KLHL26: variants seen among roughly 807,000 people sequenced by gnomAD.
KLHL26 encodes kelch-like protein 26.
A neutral mutation model predicts 7.1 loss-of-function variants in KLHL26; 4 were observed. The observed-to-expected ratio is 0.56, with a 90% CI of 0.28 to 1.28. The LOEUF (loss-of-function observed/expected upper bound fraction) is 1.28, where lower values mean the gene tolerates loss of function less well. Ranked by LOEUF, KLHL26 falls within the 50% of genes most tolerant of loss-of-function variation. The pLI, the probability that KLHL26 is intolerant of heterozygous loss-of-function variation, is 0.11. For missense variants in KLHL26, 896 were observed against 924.6 expected, an observed-to-expected ratio of 0.97 and a Z score of 0.40; for synonymous variants, 465 against 414.1, an observed-to-expected ratio of 1.12 and a Z score of -1.49.
At chr19:18,653,852 C>G (rs1376110995) in intron 1 of KLHL26, among the ~76,000 whole-genome samples, 2 of 32,576 alleles carry the variant, frequency 6.1e-5, no homozygotes, top group Non-Finnish European at 1.1e-4. Flanking sequence ...TTTCATCTAC[C>G]CACCCACCTA....
intron 2 of KLHL26, among the ~76,000 whole-genome samples, chr19:18,666,108 A>T (rs578226468): frequency 6.6e-6 from 1 of 152,222 alleles, no homozygotes; most frequent in Admixed American, 6.5e-5. Flanking sequence ...CTCTGCCTTC[A>T]TCGCATCATG....
In KLHL26 at chr19:18,662,878, T is replaced by C. The variant is rs1047958022; in HGVS notation, c.84-1383T>C. Among the ~76,000 whole-genome samples, 11 of 150,706 alleles carry C rather than the reference T, an allele frequency of 7.3e-5. No individual in the cohort carries two copies. The Middle Eastern group carries it at 0.01, about 141-fold the overall frequency. ...GAGGGGAGGAAGGGAGGAGGGGAGG[T>C]AAGCGTCCCTTCCACTTGGCAGGGG... On this transcript the variant is annotated intron_variant, in intron 1 of 2. Transcript: ENST00000300976.
At chr19:18,665,459 C>G (rs2052438377) in intron 2 of KLHL26, among the ~76,000 whole-genome samples, 1 of 152,264 alleles carries the variant, frequency 6.6e-6, no homozygotes, top group African/African-American at 2.4e-5. Flanking sequence ...GCCCTCAGGG[C>G]ATCCCCTCAG....
Position 18,647,279 on chromosome 19 carries a change from C to T in KLHL26, c.83+10142C>T, listed in dbSNP as rs117219901. On this transcript the variant is annotated intron_variant, in intron 1 of 2. Coordinates refer to ENST00000300976, the MANE Select transcript of KLHL26 (RefSeq NM_018316.3). Reference sequence around the variant, plus strand: ...CCTCCTTGTCGTTGTCCGTAGTTACCGGGGAAGAAAGGCTTTATTACCCTC... The same window carrying T: ...CCTCCTTGTCGTTGTCCGTAGTTACTGGGGAAGAAAGGCTTTATTACCCTC... Among the ~76,000 whole-genome samples, 613 of 152,302 alleles carry T rather than the reference C, an allele frequency of 4.0e-3. 3 individuals carry two copies. Among genetic ancestry groups the T allele is most frequent in the Non-Finnish European group, 7.2e-3 (491 of 68,026 alleles).
Position 18,671,011 on chromosome 19 carries a change from A to C in KLHL26, c.*1766A>C, listed in dbSNP as rs2145418022. 1 of 152,380 alleles carries C rather than the reference A, an allele frequency of 6.6e-6. No individual in the cohort carries two copies. Among genetic ancestry groups the C allele is most frequent in the East Asian group, 1.9e-4 (1 of 5,170 alleles). The allele number at this position is 152,380 out of a possible 1,614,324, so 9.4% of individuals were successfully genotyped here. A position where few individuals can be genotyped will look rare whatever the true frequency, so the allele number is the denominator to read the frequency against. On this transcript the variant is annotated 3_prime_UTR_variant, in exon 3 of 3. Coordinates refer to ENST00000300976, the MANE Select transcript of KLHL26 (RefSeq NM_018316.3). Reference sequence around the variant, plus strand: ...TACAGGTGTGAGCCACCATGCCCGGACCAACCTTGGCACTTTGGAAGAGCC... The same window carrying C: ...TACAGGTGTGAGCCACCATGCCCGGCCCAACCTTGGCACTTTGGAAGAGCC...
At position 18,641,790 on chromosome 19, in the gene KLHL26, G is replaced by A. The variant is rs144283200; in HGVS notation, c.83+4653G>A. 9.8e-4 allele frequency among the ~76,000 whole-genome samples: 149 copies of A among 151,810 alleles called. No homozygotes were observed. The East Asian group carries it at 0.027, about 27-fold the overall frequency. On this transcript the variant is annotated intron_variant, in intron 1 of 2. Coordinates refer to ENST00000300976, the MANE Select transcript of KLHL26 (RefSeq NM_018316.3). ...ATTACAGGCGTGTGCCACCACACCC[G>A]GCTAATTTTTGTATTTTTAGTAGAG...
Position 18,668,781 on chromosome 19 carries a change from C to G in KLHL26, c.1384C>G (p.Leu462Val). ...GHAGAASGGR[L>V]YISGGYGISV... ...TGCTGGGGCCGCCTCAGGGGGCCGC[C>G]TCTACATCTCGGGTGGCTACGGGAT... is the stretch of plus-strand genomic sequence containing the variant. The change falls in exon 3 of 3, where the codon CTC becomes GTC. Residue 462 changes from leucine to valine, a missense_variant. Leu to Val is a conservative substitution (Grantham distance 32, BLOSUM62 1). Transcript: ENST00000300976. 6.3e-7 allele frequency: 1 copy of G among 1,595,844 alleles called. No homozygotes were observed. The highest frequency in any genetic ancestry group is 1.1e-5 in the South Asian group (1 of 90,440).
chr19:18,647,227 A>C (rs1020647052), intron 1 of KLHL26, among the ~76,000 whole-genome samples: 2 of 152,062 alleles, frequency 1.3e-5, no homozygotes, highest in African/African-American at 4.8e-5. Context: ...GACTGTTTCC[A>C]CCTGGTAGCT....
rs1455388439 is a variant in KLHL26 at position 18,667,746 on chromosome 19, A to G, written c.349A>G (p.Ile117Val). The G allele has an allele frequency of 6.2e-7, 1 of 1,613,276 alleles. No individual in the cohort carries two copies. The change falls in exon 3 of 3, where the codon ATC becomes GTC. Residue 117 changes from isoleucine to valine, a missense_variant. By Grantham distance (29) the Ile-to-Val change is conservative. Transcript: ENST00000300976. ...CGTGTCGGCCCGTGGCCTGCGGCAC[A>G]TCATCGACTTCGCCTACAGCGCCGA... ...KGVSARGLRH[I>V]IDFAYSAEVT...
At position 18,668,798 on chromosome 19, in the gene KLHL26, C is replaced by G. The variant is rs1352156854; in HGVS notation, c.1401C>G (p.Gly467=). The G allele has an allele frequency of 2.5e-6, 4 of 1,596,108 alleles. No individual in the cohort carries two copies. Among genetic ancestry groups the G allele is most frequent in the Non-Finnish European group, 2.5e-6 (3 of 1,178,096 alleles). Residue 467 remains glycine, a synonymous_variant, in exon 3 of 3, where the codon GGC becomes GGG. Transcript: ENST00000300976. ...ASGGRLYISG[G]YGISVEDKKA... ...GGGGCCGCCTCTACATCTCGGGTGG[C>G]TACGGGATCTCAGTGGAGGACAAGA...
At chr19:18,655,901 T>C (rs1313925423) in intron 1 of KLHL26, among the ~76,000 whole-genome samples, 2 of 152,056 alleles carry the variant, frequency 1.3e-5, no homozygotes, top group Non-Finnish European at 2.9e-5. Flanking sequence ...CCTGGTGGCA[T>C]TGGTCAGAGG....
intron 2 of KLHL26, 115 bp downstream of exon 2, chr19:18,664,558 C>A: frequency 4.0e-6 from 3 of 748,744 alleles, no homozygotes; most frequent in Non-Finnish European, 6.1e-6. Context: ...GGGACAGCTT[C>A]GAGGGAGAAC....
chr19:18,640,102 G>C (rs1235558025), intron 1 of KLHL26, among the ~76,000 whole-genome samples: 1 of 151,360 alleles, frequency 6.6e-6, no homozygotes, highest in East Asian at 1.9e-4. Flanking sequence ...GGACTGTTGG[G>C]TTGTTTCCAT....
In KLHL26 at chr19:18,668,310, C is replaced by G. The variant is rs373553511; in HGVS notation, c.913C>G (p.Arg305Gly). The change falls in exon 3 of 3, where the codon CGC becomes GGC. Residue 305 changes from arginine (R) to glycine (G), a missense_variant. By Grantham distance (125) the Arg-to-Gly change is moderately radical. Transcript: ENST00000300976. ...GATGCAGTCTCCGCGCACCGCCGTG[C>G]GCTCGGATGTGCCCTCGCTCGTCAC... ...HEMQSPRTAV[R>G]SDVPSLVTFG... 3 of 1,611,026 alleles carry G rather than the reference C, an allele frequency of 1.9e-6. No individual in the cohort carries two copies. The highest frequency in any genetic ancestry group is 1.7e-6 in the Non-Finnish European group (2 of 1,179,794).
At chr19:18,664,150 CAT>C (rs2052420065) in intron 1 of KLHL26, 109 bp from the exon 2 acceptor site, 1 of 975,606 alleles carries the variant, frequency 1.0e-6, no homozygotes. Flanking sequence ...TCAGTGGAGT[CAT>C]ACACAGTGCG....
At chr19:18,665,897 C>A (rs905507725) in intron 2 of KLHL26, among the ~76,000 whole-genome samples, 1 of 152,228 alleles carries the variant, frequency 6.6e-6, no homozygotes, top group African/African-American at 2.4e-5. Flanking sequence ...GAGGCCCGGG[C>A]CGCCTGCCCC....
At chr19:18,664,015 A>G (rs1240061157) in intron 1 of KLHL26, among the ~76,000 whole-genome samples, 1 of 152,082 alleles carries the variant, frequency 6.6e-6, no homozygotes, top group Non-Finnish European at 1.5e-5. Context: ...GTTCCAGAAC[A>G]TTCTCATCCC....
At chr19:18,657,298 T>C (rs1202825295) in intron 1 of KLHL26, among the ~76,000 whole-genome samples, 1 of 148,202 alleles carries the variant, frequency 6.7e-6, no homozygotes, top group Non-Finnish European at 1.5e-5. Flanking sequence ...GGTATCAGTG[T>C]GGTTGGAGTC....
intron 1 of KLHL26, among the ~76,000 whole-genome samples, chr19:18,647,651 AAG>A (rs938976263): frequency 4.0e-5 from 6 of 150,898 alleles, no homozygotes; most frequent in East Asian, 1.9e-4. Flanking sequence ...AGGAGGAGGA[AAG>A]AGAGAGGAGG....
Sources: allele counts gnomAD v4.1 joint callset (sites outside exome capture counted in the v4.1 genomes callset), GRCh38; gene constraint gnomAD v4.1.1; transcripts MANE v1.5; gene names NCBI Gene and HGNC (gene_info 2026-07-23, HGNC 2026-07-21).